Variants in PARD3B observed in about 807,000 individuals in gnomAD.
The protein encoded by PARD3B is partitioning defective 3 homolog B.
Under a neutral mutation model 130.2 loss-of-function variants are expected in PARD3B, and 103 were observed. The observed-to-expected ratio is 0.79, with a 90% confidence interval of 0.67 to 0.93. The LOEUF is 0.93. Ranked by LOEUF, PARD3B falls within the 40% of genes least tolerant of loss-of-function variation. The pLI is 0.00. For missense variants in PARD3B, 1,609 were observed against 1,499.2 expected (o/e 1.07, Z -1.21); for synonymous variants, 583 against 553.2 (o/e 1.05, Z -0.76).
chr2:205,532,842 T>TC (rs536497538), intron 21 of PARD3B, among the ~76,000 whole-genome samples: 95 of 152,292 alleles, frequency 6.2e-4, no homozygotes, highest in Middle Eastern at 3.4e-3. Context: ...ACCAGCCCCT[T>TC]CTCTGCGAAT....
chr2:204,699,041 C>T (rs1007247770), intron 2 of PARD3B, among the ~76,000 whole-genome samples: 1 of 152,212 alleles, frequency 6.6e-6, no homozygotes, highest in South Asian at 2.1e-4. Flanking sequence ...GTGGTTAATA[C>T]TCCAGCTTCC....
chr2:204,545,932 A>G lies in PARD3B; in HGVS notation c.-68A>G. The G allele has an allele frequency of 1.4e-6, 2 of 1,442,634 alleles. No homozygotes were observed. Among genetic ancestry groups the G allele is most frequent in the South Asian group, 1.4e-5 (1 of 69,198 alleles). 89.4% of individuals were successfully genotyped at this position (1,442,634 alleles called of 1,614,324 possible). A position where few individuals can be genotyped will look rare whatever the true frequency, so the allele number is the denominator to read the frequency against. On this transcript the variant is annotated 5_prime_UTR_variant, in exon 1 of 23. Transcript: ENST00000406610. Reference sequence around the variant, plus strand: ...CCACCCGCCCCGGGCGTCCTCCGAGAGTGGGGGCTGCGCCCGCGGGGTCAG... The same window carrying G: ...CCACCCGCCCCGGGCGTCCTCCGAGGGTGGGGGCTGCGCCCGCGGGGTCAG...
At chr2:205,165,006 C>T (rs909094915) in intron 11 of PARD3B, among the ~76,000 whole-genome samples, 2 of 152,026 alleles carry the variant, frequency 1.3e-5, no homozygotes, top group African/African-American at 2.4e-5. Flanking sequence ...TCAGTATAAG[C>T]AAGTGCCAAG....
intron 6 of PARD3B, among the ~76,000 whole-genome samples, chr2:205,118,336 T>C (rs1331145919): frequency 6.6e-6 from 1 of 152,214 alleles, no homozygotes. Context: ...CCTGGTCCTA[T>C]GACTTTGTCT....
At chr2:205,519,554 C>G (rs1467769209) in intron 21 of PARD3B, among the ~76,000 whole-genome samples, 1 of 152,174 alleles carries the variant, frequency 6.6e-6, no homozygotes, top group Non-Finnish European at 1.5e-5. Context: ...TCATTCCTAT[C>G]CATATTCTGA....
intron 20 of PARD3B, among the ~76,000 whole-genome samples, chr2:205,475,933 C>G (rs1441597500): frequency 6.6e-6 from 1 of 152,168 alleles, no homozygotes; most frequent in East Asian, 1.9e-4. Flanking sequence ...CATGATATGA[C>G]AAGCTCTGTG....
At chr2:205,581,629 G>A (rs2053994254) in intron 22 of PARD3B, among the ~76,000 whole-genome samples, 5 of 150,820 alleles carry the variant, frequency 3.3e-5, no homozygotes, top group African/African-American at 1.2e-4. Context: ...TAACACAAAG[G>A]AATGATAAAT....
At chr2:204,781,606 G>T (rs2041836954) in intron 2 of PARD3B, among the ~76,000 whole-genome samples, 2 of 152,044 alleles carry the variant, frequency 1.3e-5, no homozygotes, top group South Asian at 4.1e-4. Context: ...GGCAATAATT[G>T]CTTTCCATTG....
intron 1 of PARD3B, among the ~76,000 whole-genome samples, chr2:204,548,073 C>T (rs1042377046): frequency 6.6e-6 from 1 of 151,782 alleles, no homozygotes; most frequent in Non-Finnish European, 1.5e-5. Context: ...ATGATTTTTC[C>T]CCTCCCCAAG....
intron 2 of PARD3B, among the ~76,000 whole-genome samples, chr2:204,698,610 C>G (rs2037730626): frequency 6.6e-6 from 1 of 151,428 alleles, no homozygotes; most frequent in Non-Finnish European, 1.5e-5. Flanking sequence ...ATGTGTTTGT[C>G]ATAAACGCTC....
chr2:204,835,524 G>A (rs915518403), intron 2 of PARD3B, among the ~76,000 whole-genome samples: 8 of 151,622 alleles, frequency 5.3e-5, no homozygotes, highest in East Asian at 3.9e-4. Context: ...CCCCTGCTCC[G>A]TTTGCCACTC....
At chr2:204,717,662 A>G (rs1001685449) in intron 2 of PARD3B, among the ~76,000 whole-genome samples, 2 of 152,300 alleles carry the variant, frequency 1.3e-5, no homozygotes, top group Admixed American at 6.5e-5. Context: ...AGCCACGGTC[A>G]TCTCTATGTC....
At position 205,550,959 on chromosome 2, in the gene PARD3B, A is replaced by G. The variant is rs201736899; in HGVS notation, c.3181-2365A>G. On this transcript the variant is annotated intron_variant, in intron 21 of 22. Transcript: ENST00000406610. This position sits in a 1 kb window ranked among gnomAD's most constrained non-coding sequence, Gnocchi z 4.5. ...TGTGTGTGTATATATATATGTGTAT[A>G]TATATATATATATATATACACACAC... is the stretch of plus-strand genomic sequence containing the variant. Among the ~76,000 whole-genome samples the G allele has an allele frequency of 0.22, 20,490 of 92,802 alleles. 2,264 individuals carry two copies. Among genetic ancestry groups the G allele is most frequent in the Middle Eastern group, 0.37 (63 of 172 alleles). 60.9% of individuals were successfully genotyped at this position (92,802 alleles called of 152,430 possible).
In PARD3B at chr2:205,314,926, C is replaced by CGT. The variant is rs1340909226; in HGVS notation, c.2630+13226_2630+13227dup. Among the ~76,000 whole-genome samples the CGT allele has an allele frequency of 3.9e-5, 6 of 152,262 alleles. No homozygotes were observed. In the East Asian group the frequency reaches 1.2e-3, roughly 29 times the overall value. On this transcript the variant is annotated intron_variant, in intron 18 of 22. Transcript: ENST00000406610. ...CTCCCCCTTCCCATCTCCACCCTTC[C>CGT]GTCAGTCAACAATCTTGATATTCAC...
chr2:205,063,620 ATAT>A (rs1700186221), intron 4 of PARD3B, among the ~76,000 whole-genome samples: 1 of 152,186 alleles, frequency 6.6e-6, no homozygotes, highest in Non-Finnish European at 1.5e-5. Context: ...TGCTTTAAAT[ATAT>A]TATTTCATCG....
intron 10 of PARD3B, among the ~76,000 whole-genome samples, chr2:205,139,937 T>C (rs1272404651): frequency 6.6e-6 from 1 of 151,962 alleles, no homozygotes; most frequent in Non-Finnish European, 1.5e-5. Context: ...GGTTCCTCTT[T>C]AACCTGTAGG....
intron 3 of PARD3B, among the ~76,000 whole-genome samples, chr2:204,970,563 C>G (rs1691616344): frequency 1.3e-5 from 2 of 152,100 alleles, no homozygotes; most frequent in South Asian, 4.1e-4. Flanking sequence ...CAACTCCATG[C>G]CTCTGCCAAT....
intron 1 of PARD3B, among the ~76,000 whole-genome samples, chr2:204,591,498 C>T (rs981435911): frequency 2.0e-5 from 3 of 152,202 alleles, no homozygotes; most frequent in Non-Finnish European, 4.4e-5. Flanking sequence ...TTATAAGTGT[C>T]TCTTTCTCTT....
At chr2:204,685,863 A>T (rs2037052018) in intron 1 of PARD3B, among the ~76,000 whole-genome samples, 1 of 152,136 alleles carries the variant, frequency 6.6e-6, no homozygotes, top group Non-Finnish European at 1.5e-5. Flanking sequence ...TCTTTTCCAG[A>T]GTATTCTTGG....
Sources: gnomAD v4.1 joint callset for allele counts (sites outside exome capture counted in the v4.1 genomes callset) on GRCh38, gnomAD v4.1.1 for gene constraint, Gnocchi (gnomAD v3.1) non-coding constraint, MANE v1.5 for transcripts, NCBI Gene and HGNC (gene_info 2026-07-23, HGNC 2026-07-21) for gene names.